Variants in GABRB1 observed in about 807,000 individuals in gnomAD.
GABRB1 encodes gamma-aminobutyric acid type A receptor subunit beta1.
GABRB1 carries 17 observed loss-of-function variants against 51.6 expected under a neutral mutation model. The ratio of observed to expected loss-of-function variants is 0.33; its 90% CI spans 0.23 to 0.49. GABRB1 has a LOEUF of 0.49. Ranked by LOEUF, GABRB1 falls within the 20% of genes least tolerant of loss-of-function variation. The pLI is 0.99. For missense variants in GABRB1, 410 were observed against 600.6 expected, an observed-to-expected ratio of 0.68 and a Z score of 3.32; for synonymous variants, 247 against 218.9, an observed-to-expected ratio of 1.13 and a Z score of -1.14.
intron 3 of GABRB1, among the ~76,000 whole-genome samples, chr4:47,140,326 T>C (rs537478122): frequency 4.3e-4 from 66 of 152,132 alleles, no homozygotes; most frequent in African/African-American, 1.4e-3. Context: ...GCCTAGTTCA[T>C]TGAAGCCAAA....
At chr4:47,255,778 C>T (rs181540719) in intron 4 of GABRB1, among the ~76,000 whole-genome samples, 2 of 152,184 alleles carry the variant, frequency 1.3e-5, no homozygotes, top group African/African-American at 4.8e-5. Context: ...ACCTTTCCAA[C>T]AAACATTTCA....
At chr4:47,408,021 G>A (rs1728635147) in intron 8 of GABRB1, among the ~76,000 whole-genome samples, 1 of 152,212 alleles carries the variant, frequency 6.6e-6, no homozygotes. Context: ...AAACCCAGAA[G>A]GCAAAGGTTG....
chr4:47,368,763 TATTTAAACTTA>T (rs1398044364), intron 5 of GABRB1, among the ~76,000 whole-genome samples: 1 of 151,978 alleles, frequency 6.6e-6, no homozygotes, highest in Non-Finnish European at 1.5e-5. Context: ...CCACTAACAT[TATTTAAACTTA>T]AATAATGTTA....
chr4:47,406,597 T>A, intron 7 of GABRB1, 85 bp from the exon 8 acceptor site: 1 of 1,537,964 alleles, frequency 6.5e-7, no homozygotes, highest in Non-Finnish European at 8.9e-7. Context: ...AATAAGGAAG[T>A]GGCAAATGGC....
chr4:47,084,324 A>G (rs1727978667), intron 3 of GABRB1, among the ~76,000 whole-genome samples: 1 of 152,216 alleles, frequency 6.6e-6, no homozygotes, highest in South Asian at 2.1e-4. Flanking sequence ...TCAACTGGTA[A>G]TCAGTATAAC....
chr4:47,234,451 C>G (rs1406296108), intron 4 of GABRB1, among the ~76,000 whole-genome samples: 1 of 151,632 alleles, frequency 6.6e-6, no homozygotes, highest in African/African-American at 2.4e-5. Context: ...TGCACCATTG[C>G]TCTCCAGCCT....
intron 4 of GABRB1, among the ~76,000 whole-genome samples, chr4:47,162,795 A>C (rs1718018481): frequency 6.6e-6 from 1 of 152,048 alleles, no homozygotes; most frequent in South Asian, 2.1e-4. Flanking sequence ...CCACTGCTTT[A>C]ATCCCTTCGG....
intron 3 of GABRB1, among the ~76,000 whole-genome samples, chr4:47,092,161 C>CTT (rs1328540176): frequency 0.025 from 1,677 of 67,628 alleles, 114 homozygotes; most frequent in African/African-American, 0.029. Flanking sequence ...TTCTTTCTTT[C>CTT]TTTCTTTTTT....
At chr4:47,178,506 A>T (rs911704853) in intron 4 of GABRB1, among the ~76,000 whole-genome samples, 3 of 152,108 alleles carry the variant, frequency 2.0e-5, no homozygotes, top group African/African-American at 4.8e-5. Context: ...TAGTGGAGCT[A>T]AAGAAGAATA....
intron 4 of GABRB1, among the ~76,000 whole-genome samples, chr4:47,214,924 C>G (rs964289231): frequency 6.6e-6 from 1 of 152,130 alleles, no homozygotes; most frequent in African/African-American, 2.4e-5. Flanking sequence ...TAAGTAAAGA[C>G]CATATTTCTC....
intron 4 of GABRB1, among the ~76,000 whole-genome samples, chr4:47,241,748 A>T (rs143586837): frequency 6.6e-6 from 1 of 152,304 alleles, no homozygotes; most frequent in Non-Finnish European, 1.5e-5. Context: ...TGTTTAACAA[A>T]GGTCTTGTTT....
chr4:47,011,288 G>C (rs774893214), intron 1 of GABRB1, among the ~76,000 whole-genome samples: 9 of 152,044 alleles, frequency 5.9e-5, no homozygotes, highest in Non-Finnish European at 1.2e-4. Flanking sequence ...GTATGAGCTG[G>C]ACCCAGACCT....
At position 47,426,043 on chromosome 4, in the gene GABRB1, G is replaced by T; in HGVS notation, c.*25G>T. On this transcript the variant is annotated 3_prime_UTR_variant, in exon 9 of 9. Coordinates refer to ENST00000295454, the MANE Select transcript of GABRB1 (RefSeq NM_000812.4). ...AGGTCTGTTCTAATGGTTCCATTTA[G>T]ACTACTTTCCTCTTCTATTGTTTTT... 3 of 1,504,728 alleles carry T rather than the reference G, an allele frequency of 2.0e-6. No homozygotes were observed. The highest frequency in any genetic ancestry group is 2.7e-6 in the Non-Finnish European group (3 of 1,117,828). 93.2% of individuals were successfully genotyped at this position (1,504,728 alleles called of 1,614,324 possible).
At position 47,084,101 on chromosome 4, in the gene GABRB1, G is replaced by A. The variant is rs138727168; in HGVS notation, c.240+51617G>A. 2.1e-3 allele frequency among the ~76,000 whole-genome samples: 319 copies of A among 152,296 alleles called. 1 individual carries two copies. The highest frequency in any genetic ancestry group is 7.1e-3 in the African/African-American group (297 of 41,570). ...AGTTATTAGAGTAAGTCATCAATAT[G>A]AATGTAAACCAGCTATGGTTTCTTT... On this transcript the variant is annotated intron_variant, in intron 3 of 8. Coordinates refer to ENST00000295454, the MANE Select transcript of GABRB1 (RefSeq NM_000812.4).
At chr4:47,038,981 C>A (rs1725713550) in intron 3 of GABRB1, among the ~76,000 whole-genome samples, 1 of 152,050 alleles carries the variant, frequency 6.6e-6, no homozygotes, top group Non-Finnish European at 1.5e-5. Context: ...TTCAGTAGAT[C>A]AAGCATTTCA....
chr4:47,397,582 T>C (rs1343451463), intron 5 of GABRB1, among the ~76,000 whole-genome samples: 1 of 152,148 alleles, frequency 6.6e-6, no homozygotes, highest in Non-Finnish European at 1.5e-5. Context: ...TTTTTTCTTT[T>C]TTGAGATGGA....
intron 3 of GABRB1, among the ~76,000 whole-genome samples, chr4:47,097,336 C>G (rs1714493582): frequency 6.6e-6 from 1 of 152,168 alleles, no homozygotes; most frequent in Non-Finnish European, 1.5e-5. Context: ...CTTGGTGTCT[C>G]TACACGGAAA....
chr4:47,100,216 C>T (rs942735045), intron 3 of GABRB1, among the ~76,000 whole-genome samples: 1 of 151,880 alleles, frequency 6.6e-6, no homozygotes, highest in Non-Finnish European at 1.5e-5. Flanking sequence ...TGTTTAATCA[C>T]ATTTTGAGGA....
intron 3 of GABRB1, among the ~76,000 whole-genome samples, chr4:47,099,470 T>A (rs1731564084): frequency 6.6e-6 from 1 of 152,104 alleles, no homozygotes; most frequent in South Asian, 2.1e-4. Context: ...TTGAGCTAGA[T>A]AAATATATCT....
Sources: allele counts gnomAD v4.1 joint callset (sites outside exome capture counted in the v4.1 genomes callset), GRCh38; gene constraint gnomAD v4.1.1; transcripts MANE v1.5; gene names NCBI Gene and HGNC (gene_info 2026-07-23, HGNC 2026-07-21).